Variants in RAPGEF6 observed in about 807,000 individuals in gnomAD.
The protein encoded by RAPGEF6 is Rap guanine nucleotide exchange factor 6.
Under a neutral mutation model 171.4 loss-of-function variants are expected in RAPGEF6, and 56 were observed. The ratio of observed to expected loss-of-function variants is 0.33; its 90% CI spans 0.26 to 0.41. The LOEUF is 0.41. Among genes scored for constraint, RAPGEF6 ranks in the 10% least tolerant of loss-of-function variants. RAPGEF6 has a pLI of 1.00. For synonymous variants in RAPGEF6, 692 were observed against 650.1 expected, an observed-to-expected ratio of 1.06 and a Z score of -0.98; for missense variants, 1,674 against 1,921.4, an observed-to-expected ratio of 0.87 and a Z score of 2.41.
intron 5 of RAPGEF6, among the ~76,000 whole-genome samples, chr5:131,561,597 T>C (rs916834192): frequency 6.7e-6 from 1 of 148,296 alleles, no homozygotes; most frequent in South Asian, 2.1e-4. Flanking sequence ...GAGGCGGAGG[T>C]TGCAGTGAGC....
intron 24 of RAPGEF6, 56 bp downstream of exon 24, chr5:131,439,525 G>A: frequency 6.6e-7 from 1 of 1,518,592 alleles, no homozygotes; most frequent in Non-Finnish European, 8.8e-7. Context: ...AGCAAAATAT[G>A]TGCTATAAAG....
At chr5:131,539,396 C>A (rs1250684536) in intron 6 of RAPGEF6, among the ~76,000 whole-genome samples, 3 of 152,282 alleles carry the variant, frequency 2.0e-5, no homozygotes, top group Non-Finnish European at 2.9e-5. Flanking sequence ...ATTGATCCAA[C>A]AATAGTGCTT....
At chr5:131,579,152 C>CTCTGGAGTTGTTCGCTCCTCCCG (rs1396758180) in intron 4 of RAPGEF6, among the ~76,000 whole-genome samples, 17 of 152,154 alleles carry the variant, frequency 1.1e-4, no homozygotes, top group Middle Eastern at 3.4e-3. Flanking sequence ...AAGGCGGCAC[C>CTCTGGAGTTGTTCGCTCCTCCCG]TCTGGAGTTG....
At chr5:131,443,764 G>C (rs1325631644) in intron 22 of RAPGEF6, among the ~76,000 whole-genome samples, 1 of 152,186 alleles carries the variant, frequency 6.6e-6, no homozygotes, top group Non-Finnish European at 1.5e-5. Context: ...TAACCTACTT[G>C]AGAGTAAGGA....
intron 4 of RAPGEF6, among the ~76,000 whole-genome samples, chr5:131,591,074 C>T (rs1031693751): frequency 1.3e-5 from 2 of 152,120 alleles, no homozygotes; most frequent in African/African-American, 4.8e-5. Flanking sequence ...TTTCATTTAA[C>T]CAAAGGCCAA....
intron 6 of RAPGEF6, chr5:131,533,150 G>C (rs748999534): frequency 2.7e-5 from 4 of 146,836 alleles, no homozygotes; most frequent in Non-Finnish European, 6.0e-5. Context: ...GTAGCCCCAA[G>C]AGCAATTTAT....
intron 15 of RAPGEF6, among the ~76,000 whole-genome samples, chr5:131,481,523 G>A (rs917901613): frequency 6.6e-6 from 1 of 152,164 alleles, no homozygotes; most frequent in Non-Finnish European, 1.5e-5. Flanking sequence ...AAGCCACCGT[G>A]CCCGGCCTCA....
At chr5:131,448,269 A>C (rs1752847467) in intron 21 of RAPGEF6, among the ~76,000 whole-genome samples, 1 of 152,236 alleles carries the variant, frequency 6.6e-6, no homozygotes, top group Non-Finnish European at 1.5e-5. Context: ...TTGAATATAA[A>C]GAAATTTTAG....
chr5:131,607,761 T>A (rs911847414), intron 1 of RAPGEF6, among the ~76,000 whole-genome samples: 1 of 152,134 alleles, frequency 6.6e-6, no homozygotes, highest in East Asian at 1.9e-4. Context: ...TCAAAAGATA[T>A]GCCATTTCAG....
intron 14 of RAPGEF6, 142 bp downstream of exon 14, chr5:131,492,440 C>A (rs975037737): frequency 5.3e-6 from 4 of 754,298 alleles, no homozygotes; most frequent in Non-Finnish European, 8.6e-6. Context: ...TAAAAATAAA[C>A]CATATGCAGA....
At chr5:131,457,563 G>T (rs566056892) in intron 19 of RAPGEF6, among the ~76,000 whole-genome samples, 1 of 152,330 alleles carries the variant, frequency 6.6e-6, no homozygotes, top group East Asian at 1.9e-4. Flanking sequence ...ACTGCTGCAT[G>T]GATCCACTTA....
intron 15 of RAPGEF6, among the ~76,000 whole-genome samples, chr5:131,486,754 G>C (rs1421825126): frequency 1.6e-5 from 2 of 125,338 alleles, no homozygotes; most frequent in African/African-American, 3.0e-5. Context: ...TTTTGAGATA[G>C]AGTCTCGCTC....
intron 4 of RAPGEF6, among the ~76,000 whole-genome samples, chr5:131,569,636 G>A (rs777795202): frequency 5.9e-5 from 9 of 152,130 alleles, no homozygotes; most frequent in Non-Finnish European, 7.4e-5. Context: ...TGAAATAATC[G>A]TGAGGTTGAA....
chr5:131,615,525 A>G (rs1765210804), intron 1 of RAPGEF6, among the ~76,000 whole-genome samples: 1 of 152,242 alleles, frequency 6.6e-6, no homozygotes, highest in African/African-American at 2.4e-5. Flanking sequence ...AGTCTTCGGC[A>G]GTAAAAAATT....
chr5:131,535,655 TG>T (rs1268733265), intron 6 of RAPGEF6, among the ~76,000 whole-genome samples: 2 of 152,168 alleles, frequency 1.3e-5, no homozygotes, highest in East Asian at 3.8e-4. Flanking sequence ...ATGTTGACTT[TG>T]CAAAGATTCA....
Position 131,425,421 on chromosome 5 carries a change from T to C in RAPGEF6, c.*1845A>G, listed in dbSNP as rs1276504054. On this transcript the variant is annotated 3_prime_UTR_variant, in exon 28 of 28. Coordinates refer to ENST00000509018, the MANE Select transcript of RAPGEF6 (RefSeq NM_016340.6). ...ATGCAAATCAGTGAAGGAAAAAATG[T>C]ATAATCATAGGACCACTGTTTATAG... 1.3e-5 allele frequency: 2 copies of C among 152,332 alleles called. No individual in the cohort carries two copies. Among genetic ancestry groups the C allele is most frequent in the African/African-American group, 2.4e-5 (1 of 41,446 alleles). 9.4% of individuals were successfully genotyped at this position (152,332 alleles called of 1,614,324 possible). A position where few individuals can be genotyped will look rare whatever the true frequency, so the allele number is the denominator to read the frequency against.
chr5:131,618,039 T>A (rs1315653791), intron 1 of RAPGEF6, among the ~76,000 whole-genome samples: 1 of 152,214 alleles, frequency 6.6e-6, no homozygotes, highest in Non-Finnish European at 1.5e-5. Context: ...GTTCTTTGGA[T>A]AAACGGCTGA....
At chr5:131,567,150 T>C (rs1161646133) in intron 4 of RAPGEF6, among the ~76,000 whole-genome samples, 1 of 152,012 alleles carries the variant, frequency 6.6e-6, no homozygotes, top group Non-Finnish European at 1.5e-5. Flanking sequence ...GATGTTAATG[T>C]CCCCTCTTTT....
At chr5:131,490,679 G>A (rs1439344949) in intron 14 of RAPGEF6, among the ~76,000 whole-genome samples, 1 of 152,144 alleles carries the variant, frequency 6.6e-6, no homozygotes, top group Non-Finnish European at 1.5e-5. Flanking sequence ...GGAAAAAAAT[G>A]TTACGCTCTA....
Sources: allele counts gnomAD v4.1 joint callset (sites outside exome capture counted in the v4.1 genomes callset), GRCh38; gene constraint gnomAD v4.1.1; transcripts MANE v1.5; gene names NCBI Gene and HGNC (gene_info 2026-07-23, HGNC 2026-07-21).